ABL1: variants seen among roughly 807,000 people sequenced by gnomAD.
ABL1 encodes the protein ABL proto-oncogene 1, non-receptor tyrosine kinase.
ABL1 carries 11 observed loss-of-function variants against 94.7 expected under a neutral mutation model. The ratio of observed to expected loss-of-function variants is 0.12; its 90% CI spans 0.07 to 0.19. ABL1 has a LOEUF of 0.19. Among genes scored for constraint, ABL1 ranks in the 10% least tolerant of loss-of-function variants. ABL1 has a pLI of 1.00. For missense variants in ABL1, 1,082 were observed against 1,489.4 expected (o/e 0.73, Z 4.50); for synonymous variants, 656 against 622.4 (o/e 1.05, Z -0.80).
Position 130,885,417 on chromosome 9 carries a change from A to C in ABL1, c.3127A>C (p.Ile1043Leu), listed in dbSNP as rs138480160. The C allele has an allele frequency of 1.2e-6, 2 of 1,613,566 alleles. No homozygotes were observed. The highest frequency in any genetic ancestry group is 1.7e-6 in the Non-Finnish European group (2 of 1,180,040). Residue 1043 changes from isoleucine to leucine, a missense_variant, in exon 11 of 11, where the codon ATC (isoleucine) becomes CTC (leucine). Around this residue, in one of 7 missense-constraint regions of ABL1, gnomAD observed 780 missense variants for 835.8 expected, o/e 0.93. Transcript: ENST00000318560. ...CAGCACCGAGGCGCTGTGCCTCGCC[A>C]TCTCTAGGAACTCCGAGCAGATGGC... ...LDSTEALCLA[I>L]SRNSEQMASH... is the part of the protein sequence containing the mutation.
In ABL1 at chr9:130,854,066, G is replaced by T; in HGVS notation, c.82G>T (p.Ala28Ser). ...SSSSSCYLEEALQRPVASDFE... is the reference protein window; with the variant it reads ...SSSSSCYLEESLQRPVASDFE... ...CTGTTCCCCCCTTTCTCTTCCAGAA[G>T]CCCTTCAGCGGCCAGTAGCATCTGA... Residue 28 changes from alanine (A) to serine (S), a missense_variant and splice_region_variant, in exon 2 of 11, where the codon GCC becomes TCC. Around this residue, in one of 7 missense-constraint regions of ABL1, gnomAD observed 65 missense variants for 80.8 expected, o/e 0.80. Coordinates refer to ENST00000318560, the MANE Select transcript of ABL1 (RefSeq NM_005157.6). 1.2e-6 allele frequency: 2 copies of T among 1,602,684 alleles called. No homozygotes were observed. Among genetic ancestry groups the T allele is most frequent in the Non-Finnish European group, 8.5e-7 (1 of 1,175,188 alleles).
intron 1 of ABL1, among the ~76,000 whole-genome samples, chr9:130,842,026 C>A (rs1830681243): frequency 7.7e-6 from 1 of 129,500 alleles, no homozygotes; most frequent in Non-Finnish European, 1.6e-5. Context: ...AAGGTTGAGA[C>A]AGGAAAGGGA....
chr9:130,729,842 T>A (rs1229301272), intron 1 of ABL1, among the ~76,000 whole-genome samples: 1 of 151,540 alleles, frequency 6.6e-6, no homozygotes, highest in African/African-American at 2.4e-5. Flanking sequence ...TTCAAGCGAT[T>A]CTCCTGCTTC....
intron 1 of ABL1, among the ~76,000 whole-genome samples, chr9:130,820,580 G>A (rs929417538): frequency 2.6e-5 from 4 of 152,174 alleles, no homozygotes; most frequent in Non-Finnish European, 4.4e-5. Flanking sequence ...GAGGAGAGGC[G>A]TCAGAGTTGG....
intron 3 of ABL1, among the ~76,000 whole-genome samples, chr9:130,856,710 T>C (rs2132961542): frequency 6.6e-6 from 1 of 152,328 alleles, no homozygotes; most frequent in South Asian, 2.1e-4. Flanking sequence ...TGGATGTTTA[T>C]ATTCAAAAAG....
In ABL1 at chr9:130,805,962, G is replaced by A. The variant is rs57152823; in HGVS notation, c.137-48102G>A. On this transcript the variant is annotated intron_variant, in intron 1 of 10. Transcript: ENST00000372348. ...TCTTATTTATAACAACATTTTCAGCGTGGCAACTGCAGTTTCAGAATGGTG... is the reference window on the plus strand; with the variant it reads ...TCTTATTTATAACAACATTTTCAGCATGGCAACTGCAGTTTCAGAATGGTG... 5.5e-3 allele frequency among the ~76,000 whole-genome samples: 843 copies of A among 152,232 alleles called. 10 individuals are homozygous for A. The highest frequency in any genetic ancestry group is 0.019 in the African/African-American group (795 of 41,524).
chr9:130,788,263 T>C (rs1040082370), intron 1 of ABL1, among the ~76,000 whole-genome samples: 1 of 152,250 alleles, frequency 6.6e-6, no homozygotes, highest in Non-Finnish European at 1.5e-5. Flanking sequence ...AATTCCTACA[T>C]GTCCTTTACT....
At chr9:130,866,866 C>T (rs113946261) in intron 4 of ABL1, among the ~76,000 whole-genome samples, 4 of 152,240 alleles carry the variant, frequency 2.6e-5, no homozygotes, top group East Asian at 1.9e-4. Context: ...GGTGGGGGAA[C>T]GGGGTCTCAC....
At chr9:130,740,749 AGGCTGAAGGGATCCTCCCACCTC>A (rs1365195349) in intron 1 of ABL1, among the ~76,000 whole-genome samples, 1 of 150,906 alleles carries the variant, frequency 6.6e-6, no homozygotes, top group Non-Finnish European at 1.5e-5. Context: ...TGTAATTCCT[AGGCTGAAGGGATCCTCCCACCTC>A]GGTCTCTTGA....
intron 1 of ABL1, among the ~76,000 whole-genome samples, chr9:130,818,652 G>A (rs1830320429): frequency 6.6e-6 from 1 of 152,102 alleles, no homozygotes; most frequent in Non-Finnish European, 1.5e-5. Flanking sequence ...ATTAAATGGT[G>A]TATGTGGTGC....
At chr9:130,780,121 T>C (rs1249303458) in intron 1 of ABL1, among the ~76,000 whole-genome samples, 1 of 151,810 alleles carries the variant, frequency 6.6e-6, no homozygotes, top group Non-Finnish European at 1.5e-5. Flanking sequence ...CCTTCTCTAC[T>C]AAAAACTACA....
chr9:130,869,227 C>CA, intron 4 of ABL1, among the ~76,000 whole-genome samples: 1 of 152,206 alleles, frequency 6.6e-6, no homozygotes, highest in Non-Finnish European at 1.5e-5. Context: ...TGTGAGAAGA[C>CA]AAACAACCCT....
chr9:130,872,045 C>G lies in ABL1; in HGVS notation c.823-84C>G. The G allele has an allele frequency of 8.1e-7, 1 of 1,241,396 alleles. No homozygotes were observed. Among genetic ancestry groups the G allele is most frequent in the Non-Finnish European group, 1.2e-6 (1 of 858,604 alleles). 76.9% of individuals were successfully genotyped at this position (1,241,396 alleles called of 1,614,324 possible). ...CCCAGGACGAGTATGCGCTGAAGCTCCATTTTGCATTAACTAGTCAAGTAC... is the reference window on the plus strand; with the variant it reads ...CCCAGGACGAGTATGCGCTGAAGCTGCATTTTGCATTAACTAGTCAAGTAC... On this transcript the variant is annotated intron_variant, in intron 4 of 10. Coordinates refer to ENST00000318560, the MANE Select transcript of ABL1 (RefSeq NM_005157.6). This position sits in a 1 kb window ranked among gnomAD's most constrained non-coding sequence, Gnocchi z 5.0.
rs1415195604 is a variant in ABL1, at chr9:130,886,697, A to G, written c.*1014A>G. 2.1e-5 allele frequency: 5 copies of G among 233,534 alleles called. No homozygotes were observed. In the East Asian group the frequency reaches 2.4e-4, roughly 11 times the overall value. The allele number at this position is 233,534 out of a possible 1,614,324, so 14.5% of individuals were successfully genotyped here. A position where few individuals can be genotyped will look rare whatever the true frequency, so the allele number is the denominator to read the frequency against. ...CCCCCACTCCTCTAAGACAAAGTAG[A>G]TTCTTACAAGGCCCTTTCCTTTGGA... is the stretch of plus-strand genomic sequence containing the variant. On this transcript the variant is annotated 3_prime_UTR_variant, in exon 11 of 11. Transcript: ENST00000318560.
chr9:130,848,228 C>T (rs1335430881), intron 1 of ABL1, among the ~76,000 whole-genome samples: 1 of 150,448 alleles, frequency 6.6e-6, no homozygotes, highest in Non-Finnish European at 1.5e-5. Context: ...GGGCCAGGCG[C>T]GGTGGCTCCT....
intron 1 of ABL1, chr9:130,714,481 C>T (rs895287228): frequency 3.3e-5 from 54 of 1,614,036 alleles, no homozygotes; most frequent in East Asian, 6.7e-5. Context: ...AATTTCTGCT[C>T]ATGGTTTTCC....
At position 130,835,570 on chromosome 9, in the gene ABL1, C is replaced by T; in HGVS notation, c.79+45C>T. On this transcript the variant is annotated intron_variant, in intron 1 of 10. Transcript: ENST00000318560. The surrounding 1 kb of genome is among the most constrained non-coding windows in gnomAD (Gnocchi z 4.6). ...GTTGGGCTGAGTAGCCGCGCGCCCTCCCGCTGCTGCTGGGCCCTTCCTAGG... is the reference window on the plus strand; with the variant it reads ...GTTGGGCTGAGTAGCCGCGCGCCCTTCCGCTGCTGCTGGGCCCTTCCTAGG... 2 of 1,509,682 alleles carry T rather than the reference C, an allele frequency of 1.3e-6. No homozygotes were observed. The highest frequency in any genetic ancestry group is 1.8e-6 in the Non-Finnish European group (2 of 1,112,390). 93.5% of individuals were successfully genotyped at this position (1,509,682 alleles called of 1,614,324 possible). A position where few individuals can be genotyped will look rare whatever the true frequency, so the allele number is the denominator to read the frequency against.
At position 130,814,192 on chromosome 9, in the gene ABL1, C is replaced by G. The variant is rs1256401976; in HGVS notation, c.137-39872C>G. Among the ~76,000 whole-genome samples, 1 of 151,932 alleles carries G rather than the reference C, an allele frequency of 6.6e-6. No homozygotes were observed. The highest frequency in any genetic ancestry group is 2.4e-5 in the African/African-American group (1 of 41,370). ...ATCCCAGCTACTCAGGAGGCTGAGGCAGGAGAATCGCTTTAACCAGGGAGT... is the reference window on the plus strand; with the variant it reads ...ATCCCAGCTACTCAGGAGGCTGAGGGAGGAGAATCGCTTTAACCAGGGAGT... On this transcript the variant is annotated intron_variant, in intron 1 of 10. Coordinates refer to the ABL1 transcript ENST00000372348. The surrounding 1 kb of genome is among the most constrained non-coding windows in gnomAD (Gnocchi z 4.4).
Position 130,872,230 on chromosome 9 carries a change from C to T in ABL1, c.907+17C>T. ...AGCTCCTTGGTGAGTAAGCCCGGGG[C>T]TCTGAAGAGAGGGTCTCGCGCCGCA... On this transcript the variant is annotated intron_variant, in intron 5 of 10. Coordinates refer to ENST00000318560, the MANE Select transcript of ABL1 (RefSeq NM_005157.6). This position sits in a 1 kb window ranked among gnomAD's most constrained non-coding sequence, Gnocchi z 5.0. 1 of 1,610,740 alleles carries T rather than the reference C, an allele frequency of 6.2e-7. No individual in the cohort carries two copies. The highest frequency in any genetic ancestry group is 8.5e-7 in the Non-Finnish European group (1 of 1,177,450).
Sources: gnomAD v4.1 joint callset for allele counts (sites outside exome capture counted in the v4.1 genomes callset) on GRCh38, gnomAD v4.1.1 for gene constraint, gnomAD v4.1.1 regional missense constraint, Gnocchi (gnomAD v3.1) non-coding constraint, MANE v1.5 for transcripts, NCBI Gene and HGNC (gene_info 2026-07-23, HGNC 2026-07-21) for gene names.